ASPH: variants seen among roughly 807,000 people sequenced by gnomAD.
ASPH encodes aspartate beta-hydroxylase.
In ASPH, 100 loss-of-function variants were observed where a neutral mutation model predicts 118.4. The ratio of observed to expected loss-of-function variants is 0.84; its 90% CI spans 0.72 to 1.00. ASPH has a LOEUF of 1.00. Among genes scored for constraint, ASPH ranks in the 50% least tolerant of loss-of-function variants. The pLI, the probability that ASPH is intolerant of heterozygous loss-of-function variation, is 0.00. For synonymous variants in ASPH, 315 were observed against 325.6 expected (o/e 0.97, Z 0.35); for missense variants, 920 against 919.5 (o/e 1.00, Z -0.01).
chr8:61,663,740 A>G (rs982731731), intron 3 of ASPH: 1 of 970,864 alleles, frequency 1.0e-6, no homozygotes, highest in Non-Finnish European at 1.2e-6. Flanking sequence ...AAATAACAGG[A>G]TTATATTGGA....
intron 21 of ASPH, among the ~76,000 whole-genome samples, chr8:61,545,736 T>C (rs4510853): frequency 0.65 from 98,361 of 152,150 alleles, 35,915 homozygotes; most frequent in Non-Finnish European, 0.82. Context: ...TTAACAAAAG[T>C]CTGACTTTGA....
At chr8:61,644,508 T>C (rs1806867257) in intron 7 of ASPH, 92 bp downstream of exon 7, 5 of 815,098 alleles carry the variant, frequency 6.1e-6, no homozygotes, top group African/African-American at 5.4e-5. Context: ...TTAATTTAAA[T>C]ATATCATTAA....
chr8:61,713,543 A>C (rs1301931801), intron 1 of ASPH, among the ~76,000 whole-genome samples: 1 of 152,216 alleles, frequency 6.6e-6, no homozygotes, highest in Non-Finnish European at 1.5e-5. Context: ...AAAGAAACCA[A>C]GAATCACTGA....
rs373663804 is a variant in ASPH, at chr8:61,710,805, G to A, written c.103+3464C>T. 8.5e-5 allele frequency among the ~76,000 whole-genome samples: 13 copies of A among 152,280 alleles called. No individual in the cohort carries two copies. The East Asian group carries it at 2.1e-3, about 25-fold the overall frequency. On this transcript the variant is annotated intron_variant, in intron 1 of 24. Transcript: ENST00000379454. The stretch of plus-strand genomic sequence containing the variant: ...AGGGCTCCACAATGCAATCAGCAGT[G>A]TATTGAATCCCTCAGTTACTTAGTA...
At chr8:61,573,002 A>G (rs1563867370) in intron 16 of ASPH, among the ~76,000 whole-genome samples, 1 of 152,202 alleles carries the variant, frequency 6.6e-6, no homozygotes, top group Non-Finnish European at 1.5e-5. Context: ...CTGATAAGCA[A>G]CTTCAGCAAA....
intron 3 of ASPH, among the ~76,000 whole-genome samples, chr8:61,669,313 T>C (rs1225353991): frequency 2.0e-5 from 3 of 152,222 alleles, no homozygotes; most frequent in Non-Finnish European, 4.4e-5. Flanking sequence ...ATTGAGGTCA[T>C]CCATTCGAGA....
intron 15 of ASPH, among the ~76,000 whole-genome samples, chr8:61,581,846 A>G (rs1198569942): frequency 2.6e-5 from 4 of 152,180 alleles, no homozygotes; most frequent in Non-Finnish European, 5.9e-5. Context: ...CCCTTTTTCC[A>G]GAGGTAGGAA....
At chr8:61,602,282 TTAATG>T (rs1439210569) in intron 14 of ASPH, among the ~76,000 whole-genome samples, 7 of 151,452 alleles carry the variant, frequency 4.6e-5, no homozygotes. Context: ...CAGAAATGTA[TTAATG>T]TATAGTTGTT....
chr8:61,700,821 T>C (rs1227888808), intron 1 of ASPH, among the ~76,000 whole-genome samples: 2 of 152,252 alleles, frequency 1.3e-5, no homozygotes, highest in African/African-American at 2.4e-5. Context: ...ACCTTGTTTG[T>C]ATAATGCATT....
intron 21 of ASPH, among the ~76,000 whole-genome samples, chr8:61,539,699 G>GGGTGTGTGTGTGTGT (rs1554618405): frequency 1.6e-5 from 2 of 124,214 alleles, no homozygotes; most frequent in Non-Finnish European, 3.5e-5. Context: ...ACACTTCTGG[G>GGGTGTGTGTGTGTGT]GTGTGTGTGT....
chr8:61,689,622 A>C, intron 1 of ASPH: 6 of 1,503,850 alleles, frequency 4.0e-6, no homozygotes, highest in Non-Finnish European at 5.5e-6. Context: ...TAAAGTGAAA[A>C]GCTGTCAGCT....
At chr8:61,631,904 T>A (rs963387500) in intron 13 of ASPH, 1 of 154,580 alleles carries the variant, frequency 6.5e-6, no homozygotes, top group African/African-American at 2.4e-5. Context: ...GGGATGCACA[T>A]GGAGTGGAGA....
At chr8:61,558,114 G>A (rs1358440716) in intron 18 of ASPH, among the ~76,000 whole-genome samples, 1 of 152,210 alleles carries the variant, frequency 6.6e-6, no homozygotes, top group Non-Finnish European at 1.5e-5. Context: ...GAGGGAGACA[G>A]ATTTAGAAGT....
At chr8:61,598,227 A>G (rs1034063802) in intron 14 of ASPH, among the ~76,000 whole-genome samples, 1 of 152,224 alleles carries the variant, frequency 6.6e-6, no homozygotes, top group Non-Finnish European at 1.5e-5. Context: ...TATTCTGCCT[A>G]CAAGAAACTC....
At chr8:61,542,197 T>C (rs1278521278) in intron 21 of ASPH, among the ~76,000 whole-genome samples, 1 of 152,238 alleles carries the variant, frequency 6.6e-6, no homozygotes, top group Non-Finnish European at 1.5e-5. Flanking sequence ...ACTTTTTGAT[T>C]GCAGTATTTC....
intron 15 of ASPH, chr8:61,578,820 G>A: frequency 6.2e-7 from 1 of 1,611,336 alleles, no homozygotes; most frequent in Non-Finnish European, 8.5e-7. Context: ...GAAGGATGTG[G>A]ATGAAGCTTA....
chr8:61,555,629 A>G (rs2131237837), intron 19 of ASPH, among the ~76,000 whole-genome samples: 1 of 152,306 alleles, frequency 6.6e-6, no homozygotes, highest in South Asian at 2.1e-4. Flanking sequence ...AGTATCACTA[A>G]TTTTGTCTGC....
intron 21 of ASPH, among the ~76,000 whole-genome samples, chr8:61,537,856 T>C (rs1820229689): frequency 1.3e-5 from 2 of 151,862 alleles, no homozygotes; most frequent in Admixed American, 1.3e-4. Context: ...TGACAAATAA[T>C]AAAAACTCAC....
intron 22 of ASPH, among the ~76,000 whole-genome samples, chr8:61,524,776 TAC>T (rs141137137): frequency 0.11 from 16,665 of 151,338 alleles, 943 homozygotes; most frequent in Non-Finnish European, 0.13. Context: ...TGGCAGAAAC[TAC>T]AGTTTCTAGA....
Sources: allele counts gnomAD v4.1 joint callset (sites outside exome capture counted in the v4.1 genomes callset), GRCh38; gene constraint gnomAD v4.1.1; transcripts MANE v1.5; gene names NCBI Gene and HGNC (gene_info 2026-07-23, HGNC 2026-07-21).